Variants in VAT1L observed in about 807,000 individuals in gnomAD.
The protein encoded by VAT1L is vesicle amine transport 1 like.
In VAT1L, 34 loss-of-function variants were observed where a neutral mutation model predicts 44.1. That is an observed-to-expected ratio of 0.77 (90% CI 0.59 to 1.03). The LOEUF (loss-of-function observed/expected upper bound fraction) is 1.03. Ranked by LOEUF, VAT1L falls within the 50% of genes least tolerant of loss-of-function variation. The pLI is 0.00. For synonymous variants in VAT1L, 253 were observed against 202.2 expected (o/e 1.25, Z -2.13); for missense variants, 615 against 538.8 (o/e 1.14, Z -1.40).
Position 77,955,572 on chromosome 16 carries a change from A to G in VAT1L, c.1078-16278A>G, listed in dbSNP as rs370712221. Among the ~76,000 whole-genome samples, 19 of 152,276 alleles carry G rather than the reference A, an allele frequency of 1.2e-4. 1 individual carries two copies. Among genetic ancestry groups the G allele is most frequent in the African/African-American group, 1.2e-4 (5 of 41,552 alleles). On this transcript the variant is annotated intron_variant, in intron 7 of 8. Transcript: ENST00000302536. Reference sequence around the variant, plus strand: ...AAGCCCTGTCTCCACTAAAAATACAAAAATTAGCCAGGGGTGATGGCACTC... The same window carrying G: ...AAGCCCTGTCTCCACTAAAAATACAGAAATTAGCCAGGGGTGATGGCACTC...
At chr16:77,941,630 G>A (rs2017884746) in intron 7 of VAT1L, among the ~76,000 whole-genome samples, 1 of 152,006 alleles carries the variant, frequency 6.6e-6, no homozygotes, top group South Asian at 2.1e-4. Context: ...TTGTCACCCA[G>A]GCTGGAGTGC....
intron 7 of VAT1L, among the ~76,000 whole-genome samples, chr16:77,907,393 T>C (rs2017448840): frequency 6.6e-6 from 1 of 152,158 alleles, no homozygotes; most frequent in South Asian, 2.1e-4. Context: ...ACAAGATAAC[T>C]GGGGAAAATC....
At chr16:77,966,626 A>T (rs1177482876) in intron 7 of VAT1L, among the ~76,000 whole-genome samples, 1 of 152,222 alleles carries the variant, frequency 6.6e-6, no homozygotes, top group African/African-American at 2.4e-5. Flanking sequence ...CCACATGCAA[A>T]GTTTTAAATT....
At chr16:77,834,234 C>G (rs2016614678) in intron 3 of VAT1L, among the ~76,000 whole-genome samples, 1 of 152,154 alleles carries the variant, frequency 6.6e-6, no homozygotes, top group African/African-American at 2.4e-5. Context: ...TCCTCTATTT[C>G]TCCTTACTTC....
chr16:77,937,883 C>T (rs920338752), intron 7 of VAT1L, among the ~76,000 whole-genome samples: 38 of 152,310 alleles, frequency 2.5e-4, no homozygotes, highest in African/African-American at 8.7e-4. Context: ...TGAAAATTAC[C>T]GAAGGAAACT....
At chr16:77,946,677 G>T (rs900215400) in intron 7 of VAT1L, among the ~76,000 whole-genome samples, 11 of 152,168 alleles carry the variant, frequency 7.2e-5, no homozygotes, top group Non-Finnish European at 1.5e-4. Context: ...CAACAAAAAT[G>T]AACATGTCAC....
chr16:77,841,423 T>C (rs1192866281), intron 3 of VAT1L, among the ~76,000 whole-genome samples: 2 of 152,226 alleles, frequency 1.3e-5, no homozygotes, highest in Admixed American at 6.5e-5. Flanking sequence ...TGTTCATATA[T>C]AACTCTCTCA....
At chr16:77,837,295 T>A (rs2016650256) in intron 3 of VAT1L, among the ~76,000 whole-genome samples, 1 of 152,232 alleles carries the variant, frequency 6.6e-6, no homozygotes, top group African/African-American at 2.4e-5. Flanking sequence ...GCAGATTTGG[T>A]GCCTGGAGCT....
At chr16:77,922,927 G>A (rs1309657723) in intron 7 of VAT1L, among the ~76,000 whole-genome samples, 1 of 152,038 alleles carries the variant, frequency 6.6e-6, no homozygotes, top group African/African-American at 2.4e-5. Flanking sequence ...GCAGATTCCG[G>A]GACCTCAACC....
chr16:77,937,302 G>A (rs936968137), intron 7 of VAT1L, among the ~76,000 whole-genome samples: 3 of 152,180 alleles, frequency 2.0e-5, no homozygotes, highest in Admixed American at 6.5e-5. Context: ...AAAGATGGGC[G>A]GGTGGCCAGA....
intron 7 of VAT1L, among the ~76,000 whole-genome samples, chr16:77,946,438 C>G (rs2017967765): frequency 6.6e-6 from 1 of 151,728 alleles, no homozygotes; most frequent in Non-Finnish European, 1.5e-5. Context: ...CACCCGCCAC[C>G]ACGGCCAGCT....
chr16:77,918,186 C>G (rs905130310), intron 7 of VAT1L, among the ~76,000 whole-genome samples: 2 of 152,274 alleles, frequency 1.3e-5, no homozygotes, highest in East Asian at 1.9e-4. Flanking sequence ...TGACACTCAC[C>G]AGCTGGCCCA....
intron 3 of VAT1L, among the ~76,000 whole-genome samples, chr16:77,839,891 A>G (rs191295189): frequency 4.0e-4 from 61 of 152,340 alleles, no homozygotes; most frequent in South Asian, 1.2e-3. Flanking sequence ...TTGATCTTCA[A>G]TGTCAACCCT....
At chr16:77,946,276 G>GTTTTTTTTTTTTT (rs1597114758) in intron 7 of VAT1L, among the ~76,000 whole-genome samples, 2 of 33,860 alleles carry the variant, frequency 5.9e-5, no homozygotes, top group African/African-American at 1.1e-4. Context: ...TAGGTTACTT[G>GTTTTTTTTTTTTT]TTCTTTTTTT....
At chr16:77,867,104 T>A (rs144588707) in intron 4 of VAT1L, among the ~76,000 whole-genome samples, 248 of 152,262 alleles carry the variant, frequency 1.6e-3, no homozygotes, top group African/African-American at 5.6e-3. Flanking sequence ...TCCTGCAAGG[T>A]GAACATTCCT....
At chr16:77,804,956 G>A (rs1376449356) in intron 1 of VAT1L, among the ~76,000 whole-genome samples, 2 of 152,144 alleles carry the variant, frequency 1.3e-5, no homozygotes, top group Admixed American at 6.5e-5. Context: ...GGAAAACTCC[G>A]TATGTCTCCC....
chr16:77,932,936 T>G (rs2435078), intron 7 of VAT1L, among the ~76,000 whole-genome samples: 150,019 of 152,348 alleles, frequency 0.98, 73,895 homozygotes, highest in South Asian at 1. Flanking sequence ...CAGAGGGACA[T>G]TGGTATGATT....
Position 77,926,231 on chromosome 16 carries a change from C to A in VAT1L, c.1077+41429C>A, listed in dbSNP as rs1260097679. On this transcript the variant is annotated intron_variant, in intron 7 of 8. Coordinates refer to ENST00000302536, the MANE Select transcript of VAT1L (RefSeq NM_020927.3). ...TCGCACCACTGCACTCCAGTCTGGG[C>A]AACAGAGTGAGACTCCGTCTCAAAG... is the stretch of plus-strand genomic sequence containing the variant. Among the ~76,000 whole-genome samples the A allele has an allele frequency of 4.6e-5, 6 of 131,818 alleles. No individual in the cohort carries two copies. The East Asian group carries it at 1.4e-3, about 30-fold the overall frequency. The allele number at this position is 131,818 out of a possible 152,430, so 86.5% of individuals were successfully genotyped here.
In VAT1L at chr16:77,838,204, G is replaced by T. The variant is rs575690575; in HGVS notation, c.579+12743G>T. On this transcript the variant is annotated intron_variant, in intron 3 of 8. Coordinates refer to ENST00000302536, the MANE Select transcript of VAT1L (RefSeq NM_020927.3). ...CCAAACACAGGGACTACTCTTGGCCGGGTTTATATGACTCTGGGGACCCAT... is the reference window on the plus strand; with the variant it reads ...CCAAACACAGGGACTACTCTTGGCCTGGTTTATATGACTCTGGGGACCCAT... Among the ~76,000 whole-genome samples the T allele has an allele frequency of 4.6e-5, 7 of 152,154 alleles. No individual in the cohort carries two copies. In the East Asian group the frequency reaches 5.8e-4, roughly 13 times the overall value.
Sources: gnomAD v4.1 joint callset for allele counts (sites outside exome capture counted in the v4.1 genomes callset) on GRCh38, gnomAD v4.1.1 for gene constraint, MANE v1.5 for transcripts, NCBI Gene and HGNC (gene_info 2026-07-23, HGNC 2026-07-21) for gene names.